OXR1: variants seen among roughly 807,000 people sequenced by gnomAD.
OXR1 encodes the protein oxidation resistance 1, also known as oxidation resistance protein 1.
In OXR1, 41 loss-of-function variants were observed where a neutral mutation model predicts 104.6. The observed-to-expected ratio is 0.39, with a 90% CI of 0.31 to 0.51. The LOEUF (loss-of-function observed/expected upper bound fraction) is 0.51. OXR1 is among the 20% of genes least tolerant of loss of function. The pLI is 0.77. For synonymous variants in OXR1, 348 were observed against 348.4 expected, an observed-to-expected ratio of 1.00 and a Z score of 0.01; for missense variants, 955 against 1,031.9, an observed-to-expected ratio of 0.93 and a Z score of 1.02.
intron 11 of OXR1, among the ~76,000 whole-genome samples, chr8:106,722,476 A>T (rs533669751): frequency 1.3e-5 from 2 of 152,208 alleles, no homozygotes; most frequent in Non-Finnish European, 2.9e-5. Context: ...CTTTCATAAT[A>T]CGGTCATGCA....
intron 11 of OXR1, among the ~76,000 whole-genome samples, chr8:106,735,032 G>A (rs1834242423): frequency 2.0e-5 from 3 of 152,066 alleles, no homozygotes; most frequent in South Asian, 4.1e-4. Flanking sequence ...AATCTTTTGG[G>A]TAAAGTAATA....
chr8:106,561,045 C>A lies in OXR1; in HGVS notation c.220+41906C>A, dbSNP rs542750808. Among the ~76,000 whole-genome samples the A allele has an allele frequency of 4.6e-5, 7 of 152,254 alleles. No individual in the cohort carries two copies. In the South Asian group the frequency reaches 1.2e-3, roughly 27 times the overall value. ...CAGGAGATTACCTTGGGTGTATACA[C>A]CACAAGGGCCCTGGGTTTCAAGCAC... is the stretch of plus-strand genomic sequence containing the variant. On this transcript the variant is annotated intron_variant, in intron 3 of 16. Coordinates refer to ENST00000517566, the MANE Select transcript of OXR1 (RefSeq NM_001198533.2).
At chr8:106,497,061 G>A (rs575774488) in intron 2 of OXR1, among the ~76,000 whole-genome samples, 1 of 152,274 alleles carries the variant, frequency 6.6e-6, no homozygotes, top group African/African-American at 2.4e-5. Context: ...GCCACAGGAC[G>A]CTCAGTGTTA....
At chr8:106,485,871 T>G (rs1810615718) in intron 2 of OXR1, among the ~76,000 whole-genome samples, 1 of 150,418 alleles carries the variant, frequency 6.6e-6, no homozygotes, top group Admixed American at 6.7e-5. Flanking sequence ...AAGACAAATT[T>G]GCACAGTGTC....
chr8:106,404,458 T>C (rs1004271043), intron 2 of OXR1, among the ~76,000 whole-genome samples: 1 of 152,200 alleles, frequency 6.6e-6, no homozygotes, highest in African/African-American at 2.4e-5. Context: ...AGCTGCAAGA[T>C]GAGATTCTGC....
chr8:106,324,433 G>A (rs993761441), intron 1 of OXR1, among the ~76,000 whole-genome samples: 3 of 141,012 alleles, frequency 2.1e-5, no homozygotes, highest in Admixed American at 2.1e-4. Context: ...CATGGGTGAT[G>A]AAATAATCTG....
At chr8:106,334,771 C>G (rs1814886731) in intron 1 of OXR1, among the ~76,000 whole-genome samples, 1 of 152,124 alleles carries the variant, frequency 6.6e-6, no homozygotes, top group South Asian at 2.1e-4. Context: ...ATTGCAGAAA[C>G]TTTAAAACTA....
intron 2 of OXR1, among the ~76,000 whole-genome samples, chr8:106,474,142 T>C (rs1242864669): frequency 6.6e-6 from 1 of 151,080 alleles, no homozygotes; most frequent in Non-Finnish European, 1.5e-5. Flanking sequence ...TTTTTTTTAA[T>C]TTACCAGGTA....
At chr8:106,412,412 C>T (rs901129070) in intron 2 of OXR1, among the ~76,000 whole-genome samples, 16 of 152,156 alleles carry the variant, frequency 1.1e-4, no homozygotes, top group African/African-American at 3.6e-4. Flanking sequence ...AAAGCCAAAT[C>T]TTGGAAACAA....
chr8:106,591,274 C>A (rs1353146405), intron 3 of OXR1, among the ~76,000 whole-genome samples: 1 of 104,158 alleles, frequency 9.6e-6, no homozygotes, highest in Non-Finnish European at 1.8e-5. Flanking sequence ...ACATCACACA[C>A]TGGGGACTGT....
chr8:106,575,596 G>A (rs1186674489), intron 3 of OXR1, among the ~76,000 whole-genome samples: 1 of 151,112 alleles, frequency 6.6e-6, no homozygotes, highest in African/African-American at 2.4e-5. Flanking sequence ...CAGGTACAAA[G>A]TAAATGAAGA....
At chr8:106,492,888 T>TC (rs1811187901) in intron 2 of OXR1, among the ~76,000 whole-genome samples, 1 of 152,198 alleles carries the variant, frequency 6.6e-6, no homozygotes, top group Non-Finnish European at 1.5e-5. Context: ...TCTGTGTTTA[T>TC]GAAGATCTGG....
chr8:106,408,144 C>T (rs576314283), intron 2 of OXR1, among the ~76,000 whole-genome samples: 2 of 152,146 alleles, frequency 1.3e-5, no homozygotes, highest in Admixed American at 6.5e-5. Context: ...CCCCAAATAG[C>T]GTTGCTCTTG....
chr8:106,420,120 G>A (rs1818844250), intron 2 of OXR1, among the ~76,000 whole-genome samples: 1 of 152,082 alleles, frequency 6.6e-6, no homozygotes, highest in Admixed American at 6.6e-5. Context: ...ATTTATTATA[G>A]GATTATGAGA....
At chr8:106,524,078 G>T (rs1308100403) in intron 3 of OXR1, among the ~76,000 whole-genome samples, 1 of 152,076 alleles carries the variant, frequency 6.6e-6, no homozygotes, top group Non-Finnish European at 1.5e-5. Context: ...CCCTGGCCTG[G>T]AGTGGAATTT....
chr8:106,337,873 A>T (rs1322147054), intron 1 of OXR1, among the ~76,000 whole-genome samples: 1 of 152,196 alleles, frequency 6.6e-6, no homozygotes, highest in Non-Finnish European at 1.5e-5. Context: ...CAATAGTTAA[A>T]ATTGTACATA....
chr8:106,356,023 G>C (rs1344419731), intron 1 of OXR1, among the ~76,000 whole-genome samples: 1 of 152,192 alleles, frequency 6.6e-6, no homozygotes, highest in Non-Finnish European at 1.5e-5. Flanking sequence ...AAAGGCAGAA[G>C]TGTTTTTAAG....
intron 1 of OXR1, among the ~76,000 whole-genome samples, chr8:106,353,058 A>G (rs1815802353): frequency 1.3e-5 from 2 of 152,222 alleles, no homozygotes; most frequent in South Asian, 4.1e-4. Flanking sequence ...TTAAGAATTT[A>G]ACTATGGGCT....
intron 1 of OXR1, among the ~76,000 whole-genome samples, chr8:106,342,575 AT>A (rs199680039): frequency 2.0e-5 from 3 of 151,692 alleles, no homozygotes; most frequent in Admixed American, 6.6e-5. Context: ...TCTTTTATGT[AT>A]TTTTTTAGCT....
Sources: allele counts gnomAD v4.1 joint callset (sites outside exome capture counted in the v4.1 genomes callset), GRCh38; gene constraint gnomAD v4.1.1; transcripts MANE v1.5; gene names NCBI Gene and HGNC (gene_info 2026-07-23, HGNC 2026-07-21).